Variants in CTNNA3 observed in about 807,000 individuals in gnomAD.
CTNNA3 encodes catenin alpha 3.
CTNNA3 carries 76 observed loss-of-function variants against 95.7 expected under a neutral mutation model. The observed-to-expected ratio is 0.79, with a 90% CI of 0.66 to 0.96. The LOEUF is 0.96. Among genes scored for constraint, CTNNA3 ranks in the 40% least tolerant of loss-of-function variants. CTNNA3 has a pLI of 0.00. For synonymous variants in CTNNA3, 431 were observed against 374.4 expected (o/e 1.15, Z -1.74); for missense variants, 1,191 against 1,089.8 (o/e 1.09, Z -1.31).
chr10:67,699,492 G>A (rs1019098870), upstream of CTNNA3, among the ~76,000 whole-genome samples: 1 of 152,122 alleles, frequency 6.6e-6, no homozygotes, highest in Non-Finnish European at 1.5e-5. Context: ...ATATTGAGTG[G>A]GACTTCTCCT....
chr10:67,280,461 A>C (rs986811041), intron 5 of CTNNA3, among the ~76,000 whole-genome samples: 4 of 138,828 alleles, frequency 2.9e-5, no homozygotes, highest in African/African-American at 1.1e-4. Context: ...AATTAGGCAC[A>C]CAGATCCATT....
intron 7 of CTNNA3, among the ~76,000 whole-genome samples, chr10:66,952,096 A>G (rs1309085659): frequency 2.6e-5 from 4 of 152,112 alleles, no homozygotes; most frequent in Non-Finnish European, 1.5e-5. Flanking sequence ...TGCTGGGTCC[A>G]TTTTCTCCCC....
At chr10:66,362,843 C>T (rs2092686450) in intron 12 of CTNNA3, among the ~76,000 whole-genome samples, 1 of 152,050 alleles carries the variant, frequency 6.6e-6, no homozygotes, top group South Asian at 2.1e-4. Flanking sequence ...GACTAAGATG[C>T]TTTCAAATTT....
chr10:66,980,281 A>T (rs1850339666), intron 7 of CTNNA3, among the ~76,000 whole-genome samples: 2 of 152,186 alleles, frequency 1.3e-5, no homozygotes. Flanking sequence ...CTCCTAAGCC[A>T]AGTATACCAC....
chr10:67,447,224 G>A (rs1846787162), intron 5 of CTNNA3, among the ~76,000 whole-genome samples: 2 of 152,250 alleles, frequency 1.3e-5, no homozygotes, highest in Non-Finnish European at 2.9e-5. Flanking sequence ...TATGTGGCAA[G>A]TGGTGCTGGG....
At chr10:65,939,471 T>G (rs1382363675) in intron 17 of CTNNA3, among the ~76,000 whole-genome samples, 1 of 152,190 alleles carries the variant, frequency 6.6e-6, no homozygotes, top group African/African-American at 2.4e-5. Context: ...AATTCTTATG[T>G]TTAGTTCCTT....
At chr10:66,763,354 G>GAGAGAGAGGGAGA (rs1554848287) in intron 9 of CTNNA3, among the ~76,000 whole-genome samples, 1 of 45,534 alleles carries the variant, frequency 2.2e-5, no homozygotes, top group African/African-American at 7.9e-5. Context: ...AGAGAGAGAG[G>GAGAGAGAGGGAGA]GAGAGAGAGA....
intron 13 of CTNNA3, among the ~76,000 whole-genome samples, chr10:66,164,903 T>G (rs898089638): frequency 1.3e-5 from 2 of 152,160 alleles, no homozygotes; most frequent in Non-Finnish European, 2.9e-5. Context: ...AAATGAATCT[T>G]CTGTAGGTCA....
At chr10:67,308,224 G>A (rs1269231537) in intron 5 of CTNNA3, among the ~76,000 whole-genome samples, 1 of 152,198 alleles carries the variant, frequency 6.6e-6, no homozygotes, top group Non-Finnish European at 1.5e-5. Context: ...TGGCTTAGCT[G>A]TGTCCCCACC....
intron 5 of CTNNA3, among the ~76,000 whole-genome samples, chr10:67,260,264 T>C (rs1866544882): frequency 6.6e-6 from 1 of 151,984 alleles, no homozygotes; most frequent in Admixed American, 6.6e-5. Context: ...ACTCAGAAGA[T>C]GCTACACTCG....
At chr10:67,559,363 G>A (rs771390779) in intron 3 of CTNNA3, among the ~76,000 whole-genome samples, 6 of 152,218 alleles carry the variant, frequency 3.9e-5, no homozygotes, top group Middle Eastern at 3.2e-3. Context: ...CACCGCTGCT[G>A]ATACCCAGGC....
chr10:67,650,662 A>G (rs1839850263), intron 1 of CTNNA3, among the ~76,000 whole-genome samples: 1 of 152,204 alleles, frequency 6.6e-6, no homozygotes. Context: ...AAATGCAGTT[A>G]ATTCTGAGAG....
chr10:67,214,284 T>C (rs1564979766), intron 6 of CTNNA3, among the ~76,000 whole-genome samples: 1 of 151,788 alleles, frequency 6.6e-6, no homozygotes, highest in Non-Finnish European at 1.5e-5. Context: ...TTGGCAATTA[T>C]ACAGTCTATG....
intron 7 of CTNNA3, among the ~76,000 whole-genome samples, chr10:66,838,336 TTA>T (rs753795387): frequency 1.3e-5 from 2 of 152,146 alleles, no homozygotes; most frequent in Non-Finnish European, 2.9e-5. Flanking sequence ...GCTTCAGTAA[TTA>T]TGTGTTTAGA....
chr10:67,461,118 A>G (rs1476530498), intron 5 of CTNNA3, among the ~76,000 whole-genome samples: 1 of 152,230 alleles, frequency 6.6e-6, no homozygotes, highest in Non-Finnish European at 1.5e-5. Context: ...TTCCTAGAAC[A>G]GCAATTCTCA....
intron 7 of CTNNA3, among the ~76,000 whole-genome samples, chr10:66,810,660 T>C (rs572097804): frequency 2.0e-5 from 3 of 152,142 alleles, no homozygotes; most frequent in African/African-American, 7.2e-5. Context: ...AAATCTTCAA[T>C]GTTTTCTCAT....
chr10:66,896,628 T>C (rs537948952), intron 7 of CTNNA3, among the ~76,000 whole-genome samples: 6 of 152,180 alleles, frequency 3.9e-5, no homozygotes, highest in Admixed American at 2.6e-4. Context: ...GGTTCCTTTT[T>C]TTCCCTTTCT....
At chr10:66,980,283 G>C (rs1269501114) in intron 7 of CTNNA3, among the ~76,000 whole-genome samples, 1 of 152,104 alleles carries the variant, frequency 6.6e-6, no homozygotes, top group African/African-American at 2.4e-5. Context: ...CCTAAGCCAA[G>C]TATACCACAA....
At chr10:67,744,440 G>T (rs1489538647) in intron 1 of CTNNA3, among the ~76,000 whole-genome samples, 1 of 151,192 alleles carries the variant, frequency 6.6e-6, no homozygotes, top group Non-Finnish European at 1.5e-5. Context: ...TGGGAAAACT[G>T]GCTAGCCATA....
Sources: allele counts gnomAD v4.1 joint callset (sites outside exome capture counted in the v4.1 genomes callset), GRCh38; gene constraint gnomAD v4.1.1; transcripts MANE v1.5; gene names NCBI Gene and HGNC (gene_info 2026-07-23, HGNC 2026-07-21).